RETREG1: variants seen among roughly 807,000 people sequenced by gnomAD.
RETREG1 encodes the protein reticulophagy regulator 1.
Under a neutral mutation model 54.8 loss-of-function variants are expected in RETREG1, and 44 were observed. The ratio of observed to expected loss-of-function variants is 0.80; its 90% CI spans 0.63 to 1.03. The LOEUF (loss-of-function observed/expected upper bound fraction) is 1.03. Among genes scored for constraint, RETREG1 ranks in the 50% least tolerant of loss-of-function variants. RETREG1 has a pLI of 0.00. For missense variants in RETREG1, 554 were observed against 605.1 expected, an observed-to-expected ratio of 0.92 and a Z score of 0.89; for synonymous variants, 217 against 238.5, an observed-to-expected ratio of 0.91 and a Z score of 0.83.
chr5:16,519,485 C>G (rs1360440626), intron 3 of RETREG1, among the ~76,000 whole-genome samples: 1 of 152,166 alleles, frequency 6.6e-6, no homozygotes, highest in Non-Finnish European at 1.5e-5. Context: ...AAAGCAGAAC[C>G]TTTTTCTCAG....
rs1738440406 is a variant in RETREG1, at chr5:16,474,658, T to G, written c.*83A>C. ...AATCATTAAAGCTTACAGTTCAATT[T>G]TTTTCTTTTCCTTTTTTTTTTTTTT... On this transcript the variant is annotated 3_prime_UTR_variant, in exon 9 of 9. Transcript: ENST00000306320. 1 of 1,512,780 alleles carries G rather than the reference T, an allele frequency of 6.6e-7. No individual in the cohort carries two copies. The highest frequency in any genetic ancestry group is 1.2e-5 in the South Asian group (1 of 81,896). The allele number at this position is 1,512,780 out of a possible 1,614,324, so 93.7% of individuals were successfully genotyped here.
chr5:16,484,313 T>C (rs1738934164), intron 3 of RETREG1, among the ~76,000 whole-genome samples: 1 of 152,194 alleles, frequency 6.6e-6, no homozygotes, highest in African/African-American at 2.4e-5. Flanking sequence ...GCTTAATTCC[T>C]GCTCTTGCAA....
intron 3 of RETREG1, among the ~76,000 whole-genome samples, chr5:16,497,018 C>T (rs1324647810): frequency 3.3e-5 from 5 of 152,314 alleles, no homozygotes; most frequent in South Asian, 4.1e-4. Flanking sequence ...GGTTCAGACA[C>T]ATGGCTATAC....
chr5:16,599,616 A>G (rs1376072812), intron 1 of RETREG1, among the ~76,000 whole-genome samples: 2 of 152,178 alleles, frequency 1.3e-5, no homozygotes, highest in Admixed American at 6.5e-5. Context: ...AGCACCTACC[A>G]TATACCACGG....
intron 3 of RETREG1, among the ~76,000 whole-genome samples, chr5:16,488,227 C>T (rs1195216512): frequency 6.6e-6 from 1 of 152,154 alleles, no homozygotes; most frequent in African/African-American, 2.4e-5. Flanking sequence ...GCTGATATAC[C>T]CAACCCACCT....
At chr5:16,579,206 C>T (rs1027150277) in intron 1 of RETREG1, among the ~76,000 whole-genome samples, 7 of 152,168 alleles carry the variant, frequency 4.6e-5, no homozygotes, top group Non-Finnish European at 8.8e-5. Flanking sequence ...GTTCTAAGAG[C>T]TTTATATGGA....
rs1241576842 is a variant in RETREG1 at position 16,585,861 on chromosome 5, AC to A, written c.321-13760del. Among the ~76,000 whole-genome samples, 3 of 152,026 alleles carry A rather than the reference AC, an allele frequency of 2.0e-5. No individual in the cohort carries two copies. The highest frequency in any genetic ancestry group is 2.0e-4 in the Admixed American group (3 of 15,264). The stretch of plus-strand genomic sequence containing the variant: ...GGAGGGGGTGCCACATATTTAAACT[AC>A]CAGATCTTGAAGAGAACTTACTATC... On this transcript the variant is annotated intron_variant, in intron 1 of 8. Coordinates refer to ENST00000306320, the MANE Select transcript of RETREG1 (RefSeq NM_001034850.3). This position sits in a 1 kb window ranked among gnomAD's most constrained non-coding sequence, Gnocchi z 4.5.
chr5:16,505,719 C>T (rs1739926951), intron 3 of RETREG1, among the ~76,000 whole-genome samples: 1 of 152,182 alleles, frequency 6.6e-6, no homozygotes, highest in Admixed American at 6.5e-5. Context: ...GAGGCCCTCC[C>T]AGGCCCCGGC....
intron 3 of RETREG1, among the ~76,000 whole-genome samples, chr5:16,530,909 T>C (rs1342567700): frequency 1.3e-5 from 2 of 152,114 alleles, no homozygotes; most frequent in Non-Finnish European, 2.9e-5. Context: ...ATTTTCCTTG[T>C]TGCTTTCTGC....
At chr5:16,553,913 C>T (rs1741615315) in intron 3 of RETREG1, among the ~76,000 whole-genome samples, 1 of 152,120 alleles carries the variant, frequency 6.6e-6, no homozygotes, top group Admixed American at 6.5e-5. Context: ...AAAGAGAGCA[C>T]GATATTCTCT....
chr5:16,592,553 A>C (rs1196027694), intron 1 of RETREG1, among the ~76,000 whole-genome samples: 2 of 152,190 alleles, frequency 1.3e-5, no homozygotes, highest in African/African-American at 4.8e-5. Flanking sequence ...TACTGAATAC[A>C]TACCAAAAGG....
chr5:16,520,620 G>T (rs778914400), intron 3 of RETREG1, among the ~76,000 whole-genome samples: 1 of 152,248 alleles, frequency 6.6e-6, no homozygotes, highest in Admixed American at 6.5e-5. Context: ...TAGCCACCGC[G>T]CCCAGCCAAT....
At chr5:16,582,909 A>G (rs1052097001) in intron 1 of RETREG1, among the ~76,000 whole-genome samples, 1 of 152,168 alleles carries the variant, frequency 6.6e-6, no homozygotes, top group Non-Finnish European at 1.5e-5. Flanking sequence ...CTCTACATGG[A>G]TCACTCGGAC....
chr5:16,553,711 C>G (rs1741609025), intron 3 of RETREG1, among the ~76,000 whole-genome samples: 1 of 152,012 alleles, frequency 6.6e-6, no homozygotes, highest in Non-Finnish European at 1.5e-5. Flanking sequence ...GGCGGGGGAG[C>G]AACTGTATCA....
At position 16,474,503 on chromosome 5, in the gene RETREG1, G is replaced by T; in HGVS notation, c.*238C>A. On this transcript the variant is annotated 3_prime_UTR_variant, in exon 9 of 9. Coordinates refer to ENST00000306320, the MANE Select transcript of RETREG1 (RefSeq NM_001034850.3). ...CCTAATATTTATCTCTGACAACACA[G>T]TGGTGTGTATAAAGTTCATTTCCAT... 1 of 532,712 alleles carries T rather than the reference G, an allele frequency of 1.9e-6. No individual in the cohort carries two copies. The allele number at this position is 532,712 out of a possible 1,614,324, so 33.0% of individuals were successfully genotyped here.
chr5:16,492,871 A>G (rs1739304630), intron 3 of RETREG1, among the ~76,000 whole-genome samples: 2 of 152,334 alleles, frequency 1.3e-5, no homozygotes, highest in South Asian at 4.1e-4. Flanking sequence ...AGATTTGTCA[A>G]CTAGAGGATT....
chr5:16,513,564 C>T (rs1740250173), intron 3 of RETREG1, among the ~76,000 whole-genome samples: 1 of 152,184 alleles, frequency 6.6e-6, no homozygotes, highest in Non-Finnish European at 1.5e-5. Flanking sequence ...ATCCGATGGA[C>T]CGGCTCTTTT....
At chr5:16,542,117 TCAC>T (rs906324550) in intron 3 of RETREG1, among the ~76,000 whole-genome samples, 9 of 152,186 alleles carry the variant, frequency 5.9e-5, no homozygotes, top group Middle Eastern at 3.2e-3. Flanking sequence ...ACTCTTAAAA[TCAC>T]CACAACTAAG....
chr5:16,578,109 C>G (rs1184432784), intron 1 of RETREG1, among the ~76,000 whole-genome samples: 2 of 152,158 alleles, frequency 1.3e-5, no homozygotes, highest in African/African-American at 4.8e-5. Flanking sequence ...CCAGCTACCC[C>G]GTCTTATTCA....
Sources: allele counts gnomAD v4.1 joint callset (sites outside exome capture counted in the v4.1 genomes callset), GRCh38; gene constraint gnomAD v4.1.1; non-coding constraint Gnocchi (gnomAD v3.1); transcripts MANE v1.5; gene names NCBI Gene and HGNC (gene_info 2026-07-23, HGNC 2026-07-21).